Variants in PPP3CA observed in about 807,000 individuals in gnomAD.
PPP3CA encodes CAM-PRP catalytic subunit.
A neutral mutation model predicts 66.5 loss-of-function variants in PPP3CA; 14 were observed. That is an observed-to-expected ratio of 0.21 (90% CI 0.14 to 0.33). The LOEUF (loss-of-function observed/expected upper bound fraction) is 0.33, where lower values mean the gene tolerates loss of function less well. Among genes scored for constraint, PPP3CA ranks in the 10% least tolerant of loss-of-function variants. The pLI is 1.00. For synonymous variants in PPP3CA, 232 were observed against 226.2 expected, an observed-to-expected ratio of 1.03 and a Z score of -0.23; for missense variants, 317 against 639.5, an observed-to-expected ratio of 0.50 and a Z score of 5.44.
intron 2 of PPP3CA, among the ~76,000 whole-genome samples, chr4:101,179,863 A>C (rs781275161): frequency 1.7e-4 from 26 of 152,112 alleles, no homozygotes; most frequent in Non-Finnish European, 3.1e-4. Flanking sequence ...CTAAATTTCT[A>C]ATGTTTTACT....
intron 1 of PPP3CA, among the ~76,000 whole-genome samples, chr4:101,328,465 A>G (rs191492245): frequency 2.0e-5 from 3 of 152,314 alleles, no homozygotes; most frequent in East Asian, 3.9e-4. Flanking sequence ...ATGAAACCAC[A>G]TAACTCCCTC....
chr4:101,261,384 T>C (rs1044465791), intron 1 of PPP3CA, among the ~76,000 whole-genome samples: 1 of 152,100 alleles, frequency 6.6e-6, no homozygotes, highest in Non-Finnish European at 1.5e-5. Context: ...CAGACTCAAA[T>C]CCTTAAATCT....
chr4:101,273,898 T>C (rs140132898), intron 1 of PPP3CA, among the ~76,000 whole-genome samples: 2 of 152,156 alleles, frequency 1.3e-5, no homozygotes, highest in East Asian at 3.9e-4. Flanking sequence ...GCAATAGCAA[T>C]TGGTTATATT....
chr4:101,225,067 C>T (rs1725738383), intron 1 of PPP3CA, among the ~76,000 whole-genome samples: 1 of 151,764 alleles, frequency 6.6e-6, no homozygotes, highest in Non-Finnish European at 1.5e-5. Flanking sequence ...AAGTACTCAG[C>T]TGCTCCCTCA....
At chr4:101,322,600 G>C (rs1007997918) in intron 1 of PPP3CA, among the ~76,000 whole-genome samples, 1 of 151,860 alleles carries the variant, frequency 6.6e-6, no homozygotes. Flanking sequence ...AGAAGAGACC[G>C]GGTTTCACCA....
At chr4:101,307,194 T>C (rs1728570853) in intron 1 of PPP3CA, among the ~76,000 whole-genome samples, 1 of 151,248 alleles carries the variant, frequency 6.6e-6, no homozygotes, top group South Asian at 2.1e-4. Flanking sequence ...AAACAGATTC[T>C]GTTGGTACAG....
intron 1 of PPP3CA, chr4:101,240,990 C>T (rs1726288023): frequency 1.3e-5 from 2 of 152,172 alleles, no homozygotes; most frequent in Non-Finnish European, 2.9e-5. Flanking sequence ...CCACCTCAGC[C>T]TCCTAAGTGG....
At chr4:101,265,318 A>G (rs1330459127) in intron 1 of PPP3CA, among the ~76,000 whole-genome samples, 2 of 152,084 alleles carry the variant, frequency 1.3e-5, no homozygotes, top group Non-Finnish European at 2.9e-5. Flanking sequence ...TCTGTTGCCC[A>G]GGCCAGTCTG....
At chr4:101,114,235 C>T (rs1721770264) in intron 2 of PPP3CA, among the ~76,000 whole-genome samples, 1 of 152,014 alleles carries the variant, frequency 6.6e-6, no homozygotes, top group South Asian at 2.1e-4. Flanking sequence ...ATTAACAGAA[C>T]TGTATATACT....
intron 6 of PPP3CA, among the ~76,000 whole-genome samples, chr4:101,088,457 C>T (rs921858994): frequency 7.3e-5 from 11 of 151,524 alleles, no homozygotes; most frequent in African/African-American, 1.7e-4. Flanking sequence ...TGGTGGTGGG[C>T]GCCTGTAGTT....
intron 1 of PPP3CA, among the ~76,000 whole-genome samples, chr4:101,228,472 G>C (rs1002819177): frequency 1.3e-5 from 2 of 151,400 alleles, no homozygotes; most frequent in Non-Finnish European, 3.0e-5. Context: ...AATGACATTA[G>C]AGTCTTGATT....
In PPP3CA at chr4:101,025,939, A is replaced by C; in HGVS notation, c.1492T>G (p.Ser498Ala). ...DAMPSDANLN[S>A]INKALTSETN... Reference sequence around the variant, plus strand: ...TCTGAGGTGAGAGCCTTGTTGATGGAGTTAAGGTTGGCGTCAGAGGGCATG... The same window carrying C: ...TCTGAGGTGAGAGCCTTGTTGATGGCGTTAAGGTTGGCGTCAGAGGGCATG... The change falls in exon 14 of 14, where the codon TCC becomes GCC. Residue 498 changes from serine to alanine, a missense_variant. By Grantham distance (99) the Ser-to-Ala change is moderately conservative (BLOSUM62 1). Transcript: ENST00000394854. 1 of 1,610,590 alleles carries C rather than the reference A, an allele frequency of 6.2e-7. No individual in the cohort carries two copies. Among genetic ancestry groups the C allele is most frequent in the Non-Finnish European group, 8.5e-7 (1 of 1,179,332 alleles).
At chr4:101,145,905 C>T (rs1039312572) in intron 2 of PPP3CA, among the ~76,000 whole-genome samples, 4 of 152,104 alleles carry the variant, frequency 2.6e-5, no homozygotes, top group Non-Finnish European at 2.9e-5. Context: ...TTGTTCATAA[C>T]CTATGAGCTT....
At chr4:101,323,375 A>C (rs919971018) in intron 1 of PPP3CA, among the ~76,000 whole-genome samples, 3 of 152,226 alleles carry the variant, frequency 2.0e-5, no homozygotes, top group Admixed American at 2.0e-4. Context: ...AGCGACTCTT[A>C]TGGAAGGAAT....
At chr4:101,139,748 T>C (rs1722745595) in intron 2 of PPP3CA, among the ~76,000 whole-genome samples, 1 of 149,744 alleles carries the variant, frequency 6.7e-6, no homozygotes, top group Non-Finnish European at 1.5e-5. Context: ...GGTTTGCTTG[T>C]GTGCTTTTGT....
chr4:101,036,573 A>G (rs976450156), intron 11 of PPP3CA, among the ~76,000 whole-genome samples: 1 of 152,020 alleles, frequency 6.6e-6, no homozygotes, highest in Non-Finnish European at 1.5e-5. Flanking sequence ...CACCACGCCC[A>G]GCTAATTTTT....
At chr4:101,118,082 T>C (rs1289298918) in intron 2 of PPP3CA, among the ~76,000 whole-genome samples, 3 of 152,072 alleles carry the variant, frequency 2.0e-5, no homozygotes, top group African/African-American at 7.2e-5. Context: ...TGTCTTAGTG[T>C]TTCCACTTTG....
At chr4:101,172,411 A>C (rs1723913774) in intron 2 of PPP3CA, among the ~76,000 whole-genome samples, 1 of 152,154 alleles carries the variant, frequency 6.6e-6, no homozygotes, top group South Asian at 2.1e-4. Flanking sequence ...AATACCTAGA[A>C]TATAGTTGGT....
chr4:101,229,671 G>A (rs1725897251), intron 1 of PPP3CA, among the ~76,000 whole-genome samples: 1 of 151,552 alleles, frequency 6.6e-6, no homozygotes, highest in African/African-American at 2.4e-5. Flanking sequence ...GAGCTCTTAG[G>A]AGTCAGTCTC....
Sources: allele counts gnomAD v4.1 joint callset (sites outside exome capture counted in the v4.1 genomes callset), GRCh38; gene constraint gnomAD v4.1.1; transcripts MANE v1.5; gene names NCBI Gene and HGNC (gene_info 2026-07-23, HGNC 2026-07-21).